The following CRCT1 variants were observed in gnomAD, a reference collection of about 807,000 sequenced individuals.
The protein encoded by CRCT1 is cysteine-rich C-terminal protein 1.
For missense variants in CRCT1, 160 were observed against 136.3 expected (o/e 1.17, Z -0.87); for synonymous variants, 86 against 60.3 (o/e 1.43, Z -1.98).
At position 152,515,623 on chromosome 1, in the gene CRCT1, C is replaced by A; in HGVS notation, c.240C>A (p.Gly80=). 2 of 1,583,328 alleles carry A rather than the reference C, an allele frequency of 1.3e-6. No homozygotes were observed. Among genetic ancestry groups the A allele is most frequent in the Admixed American group, 1.7e-5 (1 of 57,520 alleles). ...QRSSGCCCCG[G]GSQRSQRSNN... ...GTAGTGGTTGCTGCTGCTGCGGGGG[C>A]GGCAGCCAGAGGTCCCAGCGCTCCA... The change falls in exon 2 of 2, where the codon GGC becomes GGA. Residue 80 remains glycine, a synonymous_variant. Transcript: ENST00000368790.
Position 152,515,670 on chromosome 1 carries a change from G to A in CRCT1, c.287G>A (p.Cys96Tyr), listed in dbSNP as rs16834168. The A allele has an allele frequency of 0.029, 44,613 of 1,531,924 alleles. 1,621 individuals carry two copies. Among genetic ancestry groups the A allele is most frequent in the Admixed American group, 0.14 (7,233 of 50,900 alleles). The allele number at this position is 1,531,924 out of a possible 1,614,324, so 94.9% of individuals were successfully genotyped here. A position where few individuals can be genotyped will look rare whatever the true frequency, so the allele number is the denominator to read the frequency against. Reference sequence around the variant, plus strand: ...TCCAACAACCGGAGCTCAGGATGCTGCTCCGGCTGCTGAGAGGCCCGCAAC... The same window carrying A: ...TCCAACAACCGGAGCTCAGGATGCTACTCCGGCTGCTGAGAGGCCCGCAAC... ...QRSNNRSSGC[C>Y]SGC is the part of the protein sequence containing the mutation. The change falls in exon 2 of 2, where the codon TGC becomes TAC. Residue 96 changes from cysteine to tyrosine, a missense_variant. Physicochemically the swap from Cys to Tyr is radical, Grantham distance 194. Coordinates refer to ENST00000368790, the MANE Select transcript of CRCT1 (RefSeq NM_019060.3).
At position 152,515,998 on chromosome 1, in the gene CRCT1, C is replaced by T. The variant is rs1658746224; in HGVS notation, c.*315C>T. Reference sequence around the variant, plus strand: ...TGAAGATGTCATAATAAAGCTTCTACCTCCTGAGAACACCTTTTATTTGTT... The same window carrying T: ...TGAAGATGTCATAATAAAGCTTCTATCTCCTGAGAACACCTTTTATTTGTT... On this transcript the variant is annotated 3_prime_UTR_variant, in exon 2 of 2. Coordinates refer to ENST00000368790, the MANE Select transcript of CRCT1 (RefSeq NM_019060.3). 3.1e-6 allele frequency: 1 copy of T among 325,094 alleles called. No individual in the cohort carries two copies. The highest frequency in any genetic ancestry group is 5.8e-6 in the Non-Finnish European group (1 of 171,580). The allele number at this position is 325,094 out of a possible 1,614,324, so 20.1% of individuals were successfully genotyped here. A position where few individuals can be genotyped will look rare whatever the true frequency, so the allele number is the denominator to read the frequency against.
rs750403045 is a variant in CRCT1, at chr1:152,515,460, C to T, written c.77C>T (p.Ala26Val). The T allele has an allele frequency of 6.2e-7, 1 of 1,602,612 alleles. No homozygotes were observed. Among genetic ancestry groups the T allele is most frequent in the East Asian group, 2.2e-5 (1 of 44,664 alleles). ...GSSQGPAPCP[A>V]PAPTPAPASS... ...TCCCAGGGCCCCGCTCCGTGTCCCG[C>T]CCCGGCGCCCACCCCGGCGCCCGCC... The change falls in exon 2 of 2, where the codon GCC becomes GTC. Residue 26 changes from alanine to valine, a missense_variant. Physicochemically the swap from Ala to Val is moderately conservative, Grantham distance 64. Coordinates refer to ENST00000368790, the MANE Select transcript of CRCT1 (RefSeq NM_019060.3).
rs1319068110 is a variant in CRCT1 at position 152,515,743 on chromosome 1, C to T, written c.*60C>T. On this transcript the variant is annotated 3_prime_UTR_variant, in exon 2 of 2. Transcript: ENST00000368790. Reference sequence around the variant, plus strand: ...CCCGCCCAGCCCAGAGCGGGCCCGCCCCGCTGCGGCTCCCACGCGGGGCTG... The same window carrying T: ...CCCGCCCAGCCCAGAGCGGGCCCGCTCCGCTGCGGCTCCCACGCGGGGCTG... The T allele has an allele frequency of 2.1e-6, 3 of 1,412,472 alleles. No homozygotes were observed. In the Admixed American group the frequency reaches 1.0e-4, roughly 47 times the overall value. 87.5% of individuals were successfully genotyped at this position (1,412,472 alleles called of 1,614,324 possible). A position where few individuals can be genotyped will look rare whatever the true frequency, so the allele number is the denominator to read the frequency against.
chr1:152,515,911 C>G lies in CRCT1; in HGVS notation c.*228C>G, dbSNP rs1658742543. 1.6e-6 allele frequency: 1 copy of G among 625,044 alleles called. No individual in the cohort carries two copies. Among genetic ancestry groups the G allele is most frequent in the African/African-American group, 1.9e-5 (1 of 51,302 alleles). 38.7% of individuals were successfully genotyped at this position (625,044 alleles called of 1,614,324 possible). On this transcript the variant is annotated 3_prime_UTR_variant, in exon 2 of 2. Coordinates refer to ENST00000368790, the MANE Select transcript of CRCT1 (RefSeq NM_019060.3). Reference sequence around the variant, plus strand: ...GCCATGCGTGGGACACTGGACCCTACTGTCTACACGGGCTTGCACACAGCA... The same window carrying G: ...GCCATGCGTGGGACACTGGACCCTAGTGTCTACACGGGCTTGCACACAGCA...
At position 152,515,735 on chromosome 1, in the gene CRCT1, G is replaced by A. The variant is rs763661028; in HGVS notation, c.*52G>A. On this transcript the variant is annotated 3_prime_UTR_variant, in exon 2 of 2. Coordinates refer to ENST00000368790, the MANE Select transcript of CRCT1 (RefSeq NM_019060.3). ...TAGAGAAACCCGCCCAGCCCAGAGC[G>A]GGCCCGCCCCGCTGCGGCTCCCACG... The A allele has an allele frequency of 2.8e-6, 4 of 1,414,584 alleles. No homozygotes were observed. The highest frequency in any genetic ancestry group is 3.3e-5 in the Admixed American group (1 of 30,310). The allele number at this position is 1,414,584 out of a possible 1,614,324, so 87.6% of individuals were successfully genotyped here.
Position 152,515,945 on chromosome 1 carries a change from G to T in CRCT1, c.*262G>T. 2.3e-6 allele frequency: 1 copy of T among 433,354 alleles called. No individual in the cohort carries two copies. Among genetic ancestry groups the T allele is most frequent in the South Asian group, 1.1e-4 (1 of 9,290 alleles). The allele number at this position is 433,354 out of a possible 1,614,324, so 26.8% of individuals were successfully genotyped here. Reference sequence around the variant, plus strand: ...CGGGCTTGCACACAGCAGGTGCTCAGCAAATGTCTATTGATTTGATTGTCT... The same window carrying T: ...CGGGCTTGCACACAGCAGGTGCTCATCAAATGTCTATTGATTTGATTGTCT... On this transcript the variant is annotated 3_prime_UTR_variant, in exon 2 of 2. Coordinates refer to ENST00000368790, the MANE Select transcript of CRCT1 (RefSeq NM_019060.3).
rs1253653691 is a variant in CRCT1, at chr1:152,515,463, C to T, written c.80C>T (p.Pro27Leu). The change falls in exon 2 of 2, where the codon CCG becomes CTG. Residue 27 changes from proline (P) to leucine (L), a missense_variant. Physicochemically the swap from Pro to Leu is moderately conservative, Grantham distance 98. Coordinates refer to ENST00000368790, the MANE Select transcript of CRCT1 (RefSeq NM_019060.3). ...SSQGPAPCPA[P>L]APTPAPASSS... ...CAGGGCCCCGCTCCGTGTCCCGCCC[C>T]GGCGCCCACCCCGGCGCCCGCCTCC... 2 of 1,602,376 alleles carry T rather than the reference C, an allele frequency of 1.2e-6. No homozygotes were observed. Among genetic ancestry groups the T allele is most frequent in the Non-Finnish European group, 8.5e-7 (1 of 1,177,146 alleles).
chr1:152,515,419 C>CTT lies in CRCT1; in HGVS notation c.39_40dup (p.Ser14PhefsTer129). ...AACAGAGCGCCGTTTCCGCCAAAGG[C>CTT]TTTTCCAAGGGGTCGTCCCAGGGCC... On this transcript the variant is annotated frameshift_variant, in exon 2 of 2. Transcript: ENST00000368790. LOFTEE classifies it low-confidence loss of function (END_TRUNC). 2 of 1,573,646 alleles carry CTT rather than the reference C, an allele frequency of 1.3e-6. No individual in the cohort carries two copies. Among genetic ancestry groups the CTT allele is most frequent in the Non-Finnish European group, 1.7e-6 (2 of 1,163,630 alleles).
rs774654756 is a variant in CRCT1, at chr1:152,515,496, C to G, written c.113C>G (p.Ser38Cys). 6 of 1,598,340 alleles carry G rather than the reference C, an allele frequency of 3.8e-6. No individual in the cohort carries two copies. The Admixed American group carries it at 8.4e-5, about 22-fold the overall frequency. The change falls in exon 2 of 2, where the codon TCC becomes TGC. Residue 38 changes from serine to cysteine, a missense_variant. Physicochemically the swap from Ser to Cys is moderately radical, Grantham distance 112. Transcript: ENST00000368790. Reference sequence around the variant, plus strand: ...ACCCCGGCGCCCGCCTCCTCCTCCTCCTGCTGCGGCTCCGGCAGGGGCTGC... The same window carrying G: ...ACCCCGGCGCCCGCCTCCTCCTCCTGCTGCTGCGGCTCCGGCAGGGGCTGC... ...APTPAPASSS[S>C]CCGSGRGCCG...
rs1420280337 is a variant in CRCT1, at chr1:152,515,471, ACCCCGGCGCCCG to A, written c.91_102del (p.Pro31_Ala34del). 6.3e-7 allele frequency: 1 copy of A among 1,597,570 alleles called. No homozygotes were observed. The highest frequency in any genetic ancestry group is 8.5e-7 in the Non-Finnish European group (1 of 1,175,148). On this transcript the variant is annotated inframe_deletion, in exon 2 of 2. Transcript: ENST00000368790. ...CGCTCCGTGTCCCGCCCCGGCGCCC[ACCCCGGCGCCCG>A]CCTCCTCCTCCTCCTGCTGCGGCTC...
Position 152,515,418 on chromosome 1 carries a change from GC to G in CRCT1, c.36del (p.Ser14ProfsTer128). 1 of 1,572,932 alleles carries G rather than the reference GC, an allele frequency of 6.4e-7. No homozygotes were observed. The highest frequency in any genetic ancestry group is 8.6e-7 in the Non-Finnish European group (1 of 1,163,350). On this transcript the variant is annotated frameshift_variant, in exon 2 of 2. Transcript: ENST00000368790. LOFTEE classifies it low-confidence loss of function (END_TRUNC). ...SSQQSAVSAK[G>X]FSKGSSQGPA... is the part of the protein sequence containing the mutation. The stretch of plus-strand genomic sequence containing the variant: ...CAACAGAGCGCCGTTTCCGCCAAAG[GC>G]TTTTCCAAGGGGTCGTCCCAGGGCC...
rs1311228722 is a variant in CRCT1, at chr1:152,515,588, C to A, written c.205C>A (p.Arg69=). The A allele has an allele frequency of 2.5e-6, 4 of 1,592,324 alleles. No individual in the cohort carries two copies. The South Asian group carries it at 4.5e-5, about 18-fold the overall frequency. ...CTGCTGCTTCCCAAGGAGACGCCGC[C>A]GACAGCGGAGTAGTGGTTGCTGCTG... The part of the protein sequence containing the change: ...SCCCFPRRRR[R]QRSSGCCCCG... The change falls in exon 2 of 2, where the codon CGA becomes AGA. Residue 69 remains arginine (R), a synonymous_variant. Coordinates refer to ENST00000368790, the MANE Select transcript of CRCT1 (RefSeq NM_019060.3).
intron 1 of CRCT1, among the ~76,000 whole-genome samples, 199 bp from the exon 2 acceptor site, chr1:152,515,163 T>G (rs767535857): frequency 2.0e-5 from 3 of 152,196 alleles, no homozygotes; most frequent in Non-Finnish European, 2.9e-5. Flanking sequence ...ATGGATTGTG[T>G]CCTGCTCTGA....
Position 152,515,809 on chromosome 1 carries a change from G to A in CRCT1, c.*126G>A, listed in dbSNP as rs1658740148. Reference sequence around the variant, plus strand: ...CCCGTAAAGCGAATTGCACTTTGATGTTCAGAAACCCACTTTGTTCTCAGC... The same window carrying A: ...CCCGTAAAGCGAATTGCACTTTGATATTCAGAAACCCACTTTGTTCTCAGC... On this transcript the variant is annotated 3_prime_UTR_variant, in exon 2 of 2. Coordinates refer to ENST00000368790, the MANE Select transcript of CRCT1 (RefSeq NM_019060.3). 2 of 1,384,358 alleles carry A rather than the reference G, an allele frequency of 1.4e-6. No individual in the cohort carries two copies. Among genetic ancestry groups the A allele is most frequent in the East Asian group, 2.8e-5 (1 of 36,078 alleles). 85.8% of individuals were successfully genotyped at this position (1,384,358 alleles called of 1,614,324 possible).
At position 152,515,411 on chromosome 1, in the gene CRCT1, G is replaced by T; in HGVS notation, c.28G>T (p.Ala10Ser). 2 of 1,565,958 alleles carry T rather than the reference G, an allele frequency of 1.3e-6. No homozygotes were observed. Among genetic ancestry groups the T allele is most frequent in the South Asian group, 1.2e-5 (1 of 84,318 alleles). The change falls in exon 2 of 2, where the codon GCC becomes TCC. Residue 10 changes from alanine (A) to serine (S), a missense_variant. By Grantham distance (99) the Ala-to-Ser change is moderately conservative. Transcript: ENST00000368790. The stretch of plus-strand genomic sequence containing the variant: ...GTCCTCTCAACAGAGCGCCGTTTCC[G>T]CCAAAGGCTTTTCCAAGGGGTCGTC... Reference protein sequence around the residue: MSSQQSAVSAKGFSKGSSQG... With the variant: MSSQQSAVSSKGFSKGSSQG...
rs1034240832 is a variant in CRCT1, at chr1:152,515,755, C to T, written c.*72C>T. 8 of 1,411,622 alleles carry T rather than the reference C, an allele frequency of 5.7e-6. No homozygotes were observed. Among genetic ancestry groups the T allele is most frequent in the East Asian group, 5.6e-5 (2 of 35,692 alleles). The allele number at this position is 1,411,622 out of a possible 1,614,324, so 87.4% of individuals were successfully genotyped here. On this transcript the variant is annotated 3_prime_UTR_variant, in exon 2 of 2. Coordinates refer to ENST00000368790, the MANE Select transcript of CRCT1 (RefSeq NM_019060.3). ...AGAGCGGGCCCGCCCCGCTGCGGCT[C>T]CCACGCGGGGCTGGGCCTCGGAGTT...
chr1:152,515,212 T>C, intron 1 of CRCT1, 150 bp from the exon 2 acceptor site: 1 of 590,280 alleles, frequency 1.7e-6, no homozygotes, highest in Non-Finnish European at 2.8e-6. Context: ...TTGGATTTGC[T>C]TCTTTGCGTC....
In CRCT1 at chr1:152,515,648, A is replaced by C. The variant is rs1270699331; in HGVS notation, c.265A>C (p.Asn89His). 6.4e-7 allele frequency: 1 copy of C among 1,570,488 alleles called. No individual in the cohort carries two copies. The highest frequency in any genetic ancestry group is 8.6e-7 in the Non-Finnish European group (1 of 1,160,440). Residue 89 changes from asparagine to histidine, a missense_variant, in exon 2 of 2, where the codon AAC (asparagine) becomes CAC (histidine). Transcript: ENST00000368790. ...GGGSQRSQRS[N>H]NRSSGCCSGC is the part of the protein sequence containing the mutation. ...CGGCAGCCAGAGGTCCCAGCGCTCC[A>C]ACAACCGGAGCTCAGGATGCTGCTC...
Sources: gnomAD v4.1 joint callset for allele counts (sites outside exome capture counted in the v4.1 genomes callset) on GRCh38, gnomAD v4.1.1 for gene constraint, MANE v1.5 for transcripts, NCBI Gene and HGNC (gene_info 2026-07-23, HGNC 2026-07-21) for gene names.